SPAG16: variants seen among roughly 807,000 people sequenced by gnomAD.
SPAG16 encodes the protein sperm-associated antigen 16 protein.
SPAG16 carries 86 observed loss-of-function variants against 80.4 expected under a neutral mutation model. The observed-to-expected ratio is 1.07, with a 90% CI of 0.90 to 1.28. The LOEUF is 1.28. SPAG16 is among the 50% of genes most tolerant of loss of function. The pLI, the probability that SPAG16 is intolerant of heterozygous loss-of-function variation, is 0.00. For missense variants in SPAG16, 870 were observed against 765.3 expected (o/e 1.14, Z -1.61); for synonymous variants, 294 against 265.9 (o/e 1.11, Z -1.03).
intron 3 of SPAG16, among the ~76,000 whole-genome samples, chr2:213,298,931 AT>A (rs2062612913): frequency 6.6e-6 from 1 of 152,200 alleles, no homozygotes; most frequent in Non-Finnish European, 1.5e-5. Flanking sequence ...GATTCATTTT[AT>A]CATAAGCATA....
chr2:213,712,008 C>T (rs1251669134), intron 10 of SPAG16, among the ~76,000 whole-genome samples: 1 of 151,938 alleles, frequency 6.6e-6, no homozygotes, highest in African/African-American at 2.4e-5. Flanking sequence ...CCAGGAGGCA[C>T]CATTCTCATT....
chr2:213,939,405 T>G (rs2079112614), intron 12 of SPAG16, among the ~76,000 whole-genome samples: 1 of 152,164 alleles, frequency 6.6e-6, no homozygotes, highest in Admixed American at 6.6e-5. Context: ...ATTAATTCCT[T>G]TCTGCTAGAG....
chr2:213,689,528 CTTTTTTTTTTTTTT>C (rs397873153), intron 10 of SPAG16, among the ~76,000 whole-genome samples: 1 of 54,240 alleles, frequency 1.8e-5, no homozygotes, highest in South Asian at 9.5e-4. Flanking sequence ...AGTGCTGGGG[CTTTTTTTTTTTTTT>C]TTTTTTTTTT....
rs552193890 is a variant in SPAG16 at position 214,326,187 on chromosome 2, T to A, written c.1721-83953T>A. ...CTGGATTACCCAGGTGGGCTCTAAG[T>A]CTAATAAAAAGTAACCTTATATGAG... On this transcript the variant is annotated intron_variant, in intron 15 of 15. Transcript: ENST00000331683. Among the ~76,000 whole-genome samples, 10 of 152,200 alleles carry A rather than the reference T, an allele frequency of 6.6e-5. No homozygotes were observed. The South Asian group carries it at 1.2e-3, about 19-fold the overall frequency.
intron 10 of SPAG16, among the ~76,000 whole-genome samples, chr2:213,784,920 A>G (rs188985822): frequency 6.6e-6 from 1 of 152,234 alleles, no homozygotes; most frequent in East Asian, 1.9e-4. Context: ...ATTATTTTCA[A>G]TCATGTCTTG....
intron 12 of SPAG16, among the ~76,000 whole-genome samples, chr2:213,962,054 G>T (rs1422491611): frequency 6.6e-6 from 1 of 152,036 alleles, no homozygotes; most frequent in Non-Finnish European, 1.5e-5. Flanking sequence ...AATTGTTATG[G>T]ACTGAACTGT....
At chr2:214,139,461 A>G (rs1342267340) in intron 14 of SPAG16, among the ~76,000 whole-genome samples, 1 of 151,866 alleles carries the variant, frequency 6.6e-6, no homozygotes, top group Non-Finnish European at 1.5e-5. Context: ...TTATTATTTT[A>G]ATAACTTTAA....
chr2:214,280,683 T>C (rs778123622), intron 15 of SPAG16: 238 of 329,704 alleles, frequency 7.2e-4, no homozygotes, highest in Non-Finnish European at 1.2e-3. Context: ...TTGCCTTCTT[T>C]TGAGCTACCT....
intron 10 of SPAG16, among the ~76,000 whole-genome samples, chr2:213,644,178 T>C (rs2062733519): frequency 6.6e-6 from 1 of 151,852 alleles, no homozygotes; most frequent in South Asian, 2.1e-4. Flanking sequence ...GCTATAGAAT[T>C]TGTGCTCAAT....
intron 13 of SPAG16, among the ~76,000 whole-genome samples, chr2:214,093,808 C>T (rs1002814152): frequency 2.0e-5 from 3 of 152,052 alleles, no homozygotes; most frequent in African/African-American, 7.2e-5. Context: ...AATACCAAAG[C>T]ATCCATAAAC....
chr2:214,161,576 T>C (rs1243133015), intron 15 of SPAG16, among the ~76,000 whole-genome samples: 1 of 152,122 alleles, frequency 6.6e-6, no homozygotes, highest in Non-Finnish European at 1.5e-5. Flanking sequence ...TTTTCTCACA[T>C]GTTTGTTGGT....
intron 15 of SPAG16, among the ~76,000 whole-genome samples, chr2:214,282,722 A>G (rs1343712624): frequency 6.6e-6 from 1 of 152,200 alleles, no homozygotes; most frequent in Non-Finnish European, 1.5e-5. Flanking sequence ...CTCAATATAT[A>G]AAAGCCAGAA....
At chr2:213,725,656 A>C (rs180908789) in intron 10 of SPAG16, among the ~76,000 whole-genome samples, 1 of 152,218 alleles carries the variant, frequency 6.6e-6, no homozygotes, top group East Asian at 1.9e-4. Context: ...TCTTAGCAAC[A>C]GTGAGAAAAG....
In SPAG16 at chr2:214,284,916, G is replaced by C. The variant is rs146306329; in HGVS notation, c.1721-125224G>C. ...TAGGTTGATTTCATGTCTTGGCTAT[G>C]ATGAGTAGGACCACAATCAACAGAT... On this transcript the variant is annotated intron_variant, in intron 15 of 15. Coordinates refer to ENST00000331683, the MANE Select transcript of SPAG16 (RefSeq NM_024532.5). 3.4e-3 allele frequency among the ~76,000 whole-genome samples: 523 copies of C among 152,218 alleles called. 4 individuals are homozygous for C. Among genetic ancestry groups the C allele is most frequent in the Middle Eastern group, 0.02 (6 of 294 alleles).
At chr2:213,452,872 T>C (rs1051972169) in intron 9 of SPAG16, among the ~76,000 whole-genome samples, 2 of 152,202 alleles carry the variant, frequency 1.3e-5, no homozygotes, top group South Asian at 2.1e-4. Flanking sequence ...AAAATTATTC[T>C]CCACATAATC....
At chr2:213,773,185 A>T (rs1345823083) in intron 10 of SPAG16, among the ~76,000 whole-genome samples, 1 of 152,022 alleles carries the variant, frequency 6.6e-6, no homozygotes, top group Non-Finnish European at 1.5e-5. Flanking sequence ...AATGATGGAC[A>T]TCATGTCTTA....
chr2:214,299,897 T>C (rs780584101), intron 15 of SPAG16, among the ~76,000 whole-genome samples: 1 of 152,174 alleles, frequency 6.6e-6, no homozygotes, highest in Non-Finnish European at 1.5e-5. Context: ...ACATTTCTTA[T>C]TTATTACGGT....
intron 10 of SPAG16, among the ~76,000 whole-genome samples, chr2:213,793,358 C>T (rs906589100): frequency 1.3e-5 from 2 of 152,044 alleles, no homozygotes; most frequent in African/African-American, 2.4e-5. Flanking sequence ...ATCCTGTACC[C>T]GTCAGCTACC....
At chr2:213,795,462 C>G (rs1407160979) in intron 10 of SPAG16, among the ~76,000 whole-genome samples, 1 of 152,164 alleles carries the variant, frequency 6.6e-6, no homozygotes, top group African/African-American at 2.4e-5. Flanking sequence ...ATCAATATAT[C>G]CTTCACACAC....
Sources: allele counts gnomAD v4.1 joint callset (sites outside exome capture counted in the v4.1 genomes callset), GRCh38; gene constraint gnomAD v4.1.1; transcripts MANE v1.5; gene names NCBI Gene and HGNC (gene_info 2026-07-23, HGNC 2026-07-21).